TCF12: variants seen among roughly 807,000 people sequenced by gnomAD.
TCF12 encodes the protein transcription factor 12.
Under a neutral mutation model 86.0 loss-of-function variants are expected in TCF12, and 45 were observed. That is an observed-to-expected ratio of 0.52 (90% confidence interval 0.41 to 0.67). The LOEUF (loss-of-function observed/expected upper bound fraction) is 0.67, where lower values mean the gene tolerates loss of function less well. TCF12 is among the 30% of genes least tolerant of loss of function. The probability of loss-of-function intolerance (pLI) is 0.00; values close to 1 mark genes in which losing one functional copy is unlikely to be tolerated. For missense variants in TCF12, 881 were observed against 859.9 expected (o/e 1.02, Z -0.31); for synonymous variants, 330 against 299.6 (o/e 1.10, Z -1.05).
chr15:56,938,487 T>C (rs568575088), intron 3 of TCF12, among the ~76,000 whole-genome samples: 3 of 152,114 alleles, frequency 2.0e-5, no homozygotes, highest in Non-Finnish European at 4.4e-5. Context: ...TTGTGTCCTT[T>C]CCTGGTTTTG....
intron 8 of TCF12, among the ~76,000 whole-genome samples, chr15:57,227,382 G>T (rs921582260): frequency 6.6e-6 from 1 of 152,088 alleles, no homozygotes; most frequent in African/African-American, 2.4e-5. Context: ...TGAATTTGGG[G>T]TTATCCATAT....
chr15:57,024,419 G>T (rs1389221050), intron 3 of TCF12, among the ~76,000 whole-genome samples: 2 of 151,950 alleles, frequency 1.3e-5, no homozygotes, highest in Non-Finnish European at 2.9e-5. Context: ...TCACCATGTT[G>T]GCTAGGCTGG....
intron 8 of TCF12, among the ~76,000 whole-genome samples, chr15:57,223,642 G>GGTTTTTTTTTTT (rs2058707030): frequency 2.9e-5 from 1 of 34,248 alleles, no homozygotes; most frequent in Non-Finnish European, 9.5e-5. Flanking sequence ...CTACCAATGA[G>GGTTTTTTTTTTT]GTTTTTTTTT....
intron 6 of TCF12, among the ~76,000 whole-genome samples, chr15:57,177,869 C>T (rs376166890): frequency 4.0e-5 from 6 of 151,888 alleles, no homozygotes; most frequent in Non-Finnish European, 5.9e-5. Flanking sequence ...CCACCACAGT[C>T]GGCTAATTTT....
In TCF12 at chr15:57,288,232, A is replaced by G. The variant is rs1282677354; in HGVS notation, c.*2087A>G. The G allele has an allele frequency of 1.3e-5, 2 of 152,624 alleles. No individual in the cohort carries two copies. Among genetic ancestry groups the G allele is most frequent in the Non-Finnish European group, 2.9e-5 (2 of 68,030 alleles). 9.5% of individuals were successfully genotyped at this position (152,624 alleles called of 1,614,324 possible). The stretch of plus-strand genomic sequence containing the variant: ...CTGTTCATTAATATCAGAAATTTAC[A>G]ATAGCATTTTAAGACCATAGTAGGA... On this transcript the variant is annotated 3_prime_UTR_variant, in exon 21 of 21. Transcript: ENST00000333725.
chr15:57,115,849 G>C (rs568388384), intron 5 of TCF12, among the ~76,000 whole-genome samples: 6 of 114,270 alleles, frequency 5.3e-5, no homozygotes, highest in Admixed American at 4.1e-4. Context: ...TAAGCAGAGA[G>C]ATGCTAGGCA....
At chr15:56,926,284 G>A (rs2060010991) in intron 3 of TCF12, among the ~76,000 whole-genome samples, 1 of 150,158 alleles carries the variant, frequency 6.7e-6, no homozygotes, top group South Asian at 2.1e-4. Flanking sequence ...CGGCACTCCA[G>A]CCTGGGTGAC....
At chr15:56,942,727 C>G (rs2060833683) in intron 3 of TCF12, among the ~76,000 whole-genome samples, 1 of 152,054 alleles carries the variant, frequency 6.6e-6, no homozygotes, top group South Asian at 2.1e-4. Context: ...TAAAGTAAGT[C>G]TTCAGTTTTT....
rs773799981 is a variant in TCF12, at chr15:57,282,434, C to G, written c.1979-11C>G. 2 of 1,614,038 alleles carry G rather than the reference C, an allele frequency of 1.2e-6. No homozygotes were observed. The highest frequency in any genetic ancestry group is 1.7e-6 in the Non-Finnish European group (2 of 1,180,012). On this transcript the variant is annotated splice_polypyrimidine_tract_variant and intron_variant, in intron 19 of 20. Transcript: ENST00000333725. ...AACCATAGTGATAAAAATTCTTTCC[C>G]CCTGTTTTAGAGAGGAACCTTAACC...
intron 8 of TCF12, among the ~76,000 whole-genome samples, chr15:57,201,104 A>G (rs1355355197): frequency 1.3e-5 from 2 of 152,242 alleles, no homozygotes; most frequent in Admixed American, 1.3e-4. Flanking sequence ...TTTTTAAAGC[A>G]CATGAGATTC....
intron 6 of TCF12, among the ~76,000 whole-genome samples, chr15:57,174,123 T>A (rs2055736672): frequency 6.6e-6 from 1 of 152,210 alleles, no homozygotes; most frequent in South Asian, 2.1e-4. Context: ...AAAAAAATAA[T>A]ACCAATTTTA....
chr15:57,241,606 G>A (rs1394360573), intron 12 of TCF12, among the ~76,000 whole-genome samples: 1 of 152,168 alleles, frequency 6.6e-6, no homozygotes, highest in Non-Finnish European at 1.5e-5. Flanking sequence ...CATACAAATT[G>A]GCGTATTTTG....
chr15:57,039,616 G>T (rs772089373), intron 3 of TCF12, among the ~76,000 whole-genome samples: 4 of 146,138 alleles, frequency 2.7e-5, no homozygotes, highest in Non-Finnish European at 4.5e-5. Flanking sequence ...TTTTATTGTT[G>T]CTTTGAGTAG....
chr15:56,952,873 T>C (rs577550290), intron 3 of TCF12, among the ~76,000 whole-genome samples: 302 of 152,290 alleles, frequency 2.0e-3, no homozygotes, highest in African/African-American at 6.9e-3. Flanking sequence ...CTGATTGTAC[T>C]TTCCAGAAAC....
At chr15:57,104,801 A>G in intron 5 of TCF12, among the ~76,000 whole-genome samples, 1 of 141,662 alleles carries the variant, frequency 7.1e-6, no homozygotes, top group Non-Finnish European at 1.5e-5. Flanking sequence ...TTTGAGCAGG[A>G]TTTAGGCATT....
At chr15:57,002,822 G>T (rs1206041650) in intron 3 of TCF12, among the ~76,000 whole-genome samples, 4 of 152,192 alleles carry the variant, frequency 2.6e-5, no homozygotes, top group Non-Finnish European at 5.9e-5. Flanking sequence ...GCAGTTTGCA[G>T]GTAATGATTG....
intron 6 of TCF12, among the ~76,000 whole-genome samples, chr15:57,171,345 A>G (rs968190099): frequency 6.6e-6 from 1 of 152,150 alleles, no homozygotes; most frequent in Admixed American, 6.6e-5. Flanking sequence ...AAAGGAAAAC[A>G]TGTATTCCAG....
chr15:57,248,934 T>C (rs1003330991), intron 13 of TCF12, among the ~76,000 whole-genome samples: 1 of 152,222 alleles, frequency 6.6e-6, no homozygotes, highest in Non-Finnish European at 1.5e-5. Flanking sequence ...TGCTGACAAT[T>C]CTGAGGCATT....
At chr15:57,109,606 G>C (rs1335613753) in intron 5 of TCF12, among the ~76,000 whole-genome samples, 7 of 152,246 alleles carry the variant, frequency 4.6e-5, no homozygotes, top group Non-Finnish European at 8.8e-5. Flanking sequence ...GCCATTAACT[G>C]AATTAGTTCA....
Sources: allele counts gnomAD v4.1 joint callset (sites outside exome capture counted in the v4.1 genomes callset), GRCh38; gene constraint gnomAD v4.1.1; transcripts MANE v1.5; gene names NCBI Gene and HGNC (gene_info 2026-07-23, HGNC 2026-07-21).